CRAMP1: variants seen among roughly 807,000 people sequenced by gnomAD.
The protein encoded by CRAMP1 is cramped chromatin regulator 1.
Under a neutral mutation model 115.4 loss-of-function variants are expected in CRAMP1, and 50 were observed. The ratio of observed to expected loss-of-function variants is 0.43; its 90% CI spans 0.35 to 0.55. The LOEUF (loss-of-function observed/expected upper bound fraction) is 0.55. Ranked by LOEUF, CRAMP1 falls within the 20% of genes least tolerant of loss-of-function variation. CRAMP1 has a pLI of 0.01. For missense variants in CRAMP1, 1,679 were observed against 1,721.7 expected, an observed-to-expected ratio of 0.98 and a Z score of 0.44; for synonymous variants, 866 against 745.4, an observed-to-expected ratio of 1.16 and a Z score of -2.64.
At chr16:1,665,305 G>A (rs1193050681) in intron 14 of CRAMP1, among the ~76,000 whole-genome samples, 167 bp downstream of exon 14, 1 of 152,204 alleles carries the variant, frequency 6.6e-6, no homozygotes, top group Non-Finnish European at 1.5e-5. Context: ...GCAGGCTGCG[G>A]TGGCGGGCGA....
At chr16:1,632,566 C>T (rs140950595) in intron 4 of CRAMP1, among the ~76,000 whole-genome samples, 2 of 152,368 alleles carry the variant, frequency 1.3e-5, no homozygotes, top group African/African-American at 2.4e-5. Context: ...GGAAGTGGCC[C>T]GTATCCCATG....
At position 1,617,650 on chromosome 16, in the gene CRAMP1, A is replaced by G. The variant is rs548212179; in HGVS notation, c.346+2665A>G. On this transcript the variant is annotated intron_variant, in intron 2 of 20. Transcript: ENST00000397412. Reference sequence around the variant, plus strand: ...TTACTTACTGCCCTGGCCAGTTTCAATCTCAGTGGGCCTGAGACTCTTACA... The same window carrying G: ...TTACTTACTGCCCTGGCCAGTTTCAGTCTCAGTGGGCCTGAGACTCTTACA... Among the ~76,000 whole-genome samples the G allele has an allele frequency of 1.8e-4, 28 of 152,330 alleles. No homozygotes were observed. The South Asian group carries it at 5.6e-3, about 30-fold the overall frequency.
chr16:1,617,449 A>G (rs1419422219), intron 2 of CRAMP1, among the ~76,000 whole-genome samples: 1 of 152,266 alleles, frequency 6.6e-6, no homozygotes, highest in Non-Finnish European at 1.5e-5. Flanking sequence ...CCTTCCAGAA[A>G]GATGCTCAGA....
intron 6 of CRAMP1, among the ~76,000 whole-genome samples, chr16:1,648,840 C>G (rs1447693308): frequency 6.6e-6 from 1 of 151,992 alleles, no homozygotes; most frequent in African/African-American, 2.4e-5. Context: ...GGGCGGATCA[C>G]GAGGTCAGGA....
At chr16:1,635,078 T>C (rs1464386662) in intron 4 of CRAMP1, among the ~76,000 whole-genome samples, 1 of 152,100 alleles carries the variant, frequency 6.6e-6, no homozygotes, top group Non-Finnish European at 1.5e-5. Context: ...TTATATTTTT[T>C]AGGAGAGATG....
intron 6 of CRAMP1, among the ~76,000 whole-genome samples, chr16:1,650,959 A>G (rs2036717409): frequency 6.6e-6 from 1 of 152,218 alleles, no homozygotes; most frequent in Non-Finnish European, 1.5e-5. Context: ...TTTCTCTCAG[A>G]TCAGAAACTC....
chr16:1,666,522 A>G lies in CRAMP1; in HGVS notation c.2958A>G (p.Ser986=). The G allele has an allele frequency of 6.2e-7, 1 of 1,613,912 alleles. No individual in the cohort carries two copies. Among genetic ancestry groups the G allele is most frequent in the Non-Finnish European group, 8.5e-7 (1 of 1,179,848 alleles). The part of the protein sequence containing the change: ...EGLSGISPLS[S]DEVTGAISGQ... ...TGTCTGGCATCTCTCCACTGTCTTCAGACGAGGTGACGGGTGCCATCTCGG... is the reference window on the plus strand; with the variant it reads ...TGTCTGGCATCTCTCCACTGTCTTCGGACGAGGTGACGGGTGCCATCTCGG... Residue 986 remains serine (S), a synonymous_variant, in exon 16 of 21, where the codon TCA becomes TCG. Coordinates refer to ENST00000397412, the MANE Select transcript of CRAMP1 (RefSeq NM_020825.4). This position sits in a 1 kb window ranked among gnomAD's most constrained non-coding sequence, Gnocchi z 5.0.
chr16:1,626,006 T>G lies in CRAMP1; in HGVS notation c.380T>G (p.Val127Gly). 1 of 1,551,594 alleles carries G rather than the reference T, an allele frequency of 6.4e-7. No individual in the cohort carries two copies. Among genetic ancestry groups the G allele is most frequent in the Non-Finnish European group, 8.7e-7 (1 of 1,146,924 alleles). ...AEGGGSSSGNVSGVAPAAPAG... is the reference protein window; with the variant it reads ...AEGGGSSSGNGSGVAPAAPAG... The stretch of plus-strand genomic sequence containing the variant: ...GGTGGTGGATCATCGTCTGGAAATG[T>G]GTCTGGGGTTGCCCCTGCTGCCCCT... The change falls in exon 3 of 21, where the codon GTG (valine) becomes GGG (glycine). Residue 127 changes from valine to glycine, a missense_variant. By Grantham distance (109) the Val-to-Gly change is moderately radical. This residue lies in a region of CRAMP1 where 264 missense variants were observed against 229.7 expected (regional missense o/e 1.15). Transcript: ENST00000397412.
chr16:1,644,692 G>A (rs925663519), intron 6 of CRAMP1, among the ~76,000 whole-genome samples: 1 of 152,166 alleles, frequency 6.6e-6, no homozygotes, highest in Non-Finnish European at 1.5e-5. Flanking sequence ...GGGGAGGGGA[G>A]AGGAAGAGTG....
chr16:1,626,004 T>C lies in CRAMP1; in HGVS notation c.378T>C (p.Asn126=). The C allele has an allele frequency of 6.4e-7, 1 of 1,551,578 alleles. No homozygotes were observed. The highest frequency in any genetic ancestry group is 8.7e-7 in the Non-Finnish European group (1 of 1,146,918). The change falls in exon 3 of 21, where the codon AAT becomes AAC. Residue 126 remains asparagine, a synonymous_variant. Transcript: ENST00000397412. ...GAEGGGSSSG[N]VSGVAPAAPA... ...AAGGTGGTGGATCATCGTCTGGAAA[T>C]GTGTCTGGGGTTGCCCCTGCTGCCC...
In CRAMP1 at chr16:1,614,340, G is replaced by GGCCGGGGC. The variant is rs1194077078; in HGVS notation, c.-1-299_-1-298insGCCGGGGC. ...GGGCCGGGGCCGGGGCCGGGGCCGG[G>GGCCGGGGC]CAGGGTCCGCCGAGCTGTCGCGCCC... On this transcript the variant is annotated intron_variant, in intron 1 of 20. Coordinates refer to ENST00000397412, the MANE Select transcript of CRAMP1 (RefSeq NM_020825.4). The surrounding 1 kb of genome is among the most constrained non-coding windows in gnomAD (Gnocchi z 4.4). 6.9e-6 allele frequency among the ~76,000 whole-genome samples: 1 copy of GGCCGGGGC among 145,614 alleles called. No individual in the cohort carries two copies. Among genetic ancestry groups the GGCCGGGGC allele is most frequent in the East Asian group, 2.0e-4 (1 of 4,964 alleles).
intron 6 of CRAMP1, 33 bp downstream of exon 6, chr16:1,641,220 CT>C: frequency 2.6e-6 from 4 of 1,513,454 alleles, no homozygotes; most frequent in Non-Finnish European, 3.7e-6. Context: ...AACATCACTT[CT>C]CTGGGTGTTT....
At chr16:1,635,494 C>G (rs1179717978) in intron 4 of CRAMP1, among the ~76,000 whole-genome samples, 1 of 152,152 alleles carries the variant, frequency 6.6e-6, no homozygotes, top group Admixed American at 6.5e-5. Flanking sequence ...GAGGTGCCAC[C>G]TAGGAGGCCG....
At chr16:1,629,050 C>T (rs767111780) in intron 3 of CRAMP1, among the ~76,000 whole-genome samples, 1 of 152,234 alleles carries the variant, frequency 6.6e-6, no homozygotes, top group Non-Finnish European at 1.5e-5. Context: ...ATTTCTGTGG[C>T]AGGTCTGCAC....
chr16:1,625,886 G>T, intron 2 of CRAMP1, 87 bp from the exon 3 acceptor site: 1 of 1,350,258 alleles, frequency 7.4e-7, no homozygotes, highest in Non-Finnish European at 1.0e-6. Context: ...CCTCAGGGCA[G>T]TGGGCCCTTC....
chr16:1,658,804 C>T (rs1414070924), intron 10 of CRAMP1, among the ~76,000 whole-genome samples: 1 of 152,166 alleles, frequency 6.6e-6, no homozygotes, highest in Non-Finnish European at 1.5e-5. Context: ...TCTGAGTGAG[C>T]AGACGGGCAG....
intron 6 of CRAMP1, among the ~76,000 whole-genome samples, chr16:1,646,303 C>T (rs937398332): frequency 1.3e-5 from 2 of 152,156 alleles, no homozygotes; most frequent in Non-Finnish European, 2.9e-5. Context: ...GTGTGTTTGG[C>T]TTTACATGGA....
rs1377319097 is a variant in CRAMP1, at chr16:1,614,282, C to T, written c.-1-357C>T. On this transcript the variant is annotated intron_variant, in intron 1 of 20. Coordinates refer to ENST00000397412, the MANE Select transcript of CRAMP1 (RefSeq NM_020825.4). The surrounding 1 kb of genome is among the most constrained non-coding windows in gnomAD (Gnocchi z 4.4). Reference sequence around the variant, plus strand: ...GCCCGGACCCGCAACCGTGCCCAGACCCGCGCCCGCGCCGGGGCTCCCATA... The same window carrying T: ...GCCCGGACCCGCAACCGTGCCCAGATCCGCGCCCGCGCCGGGGCTCCCATA... Among the ~76,000 whole-genome samples, 1 of 145,922 alleles carries T rather than the reference C, an allele frequency of 6.9e-6. No individual in the cohort carries two copies. Among genetic ancestry groups the T allele is most frequent in the Non-Finnish European group, 1.5e-5 (1 of 65,448 alleles).
intron 4 of CRAMP1, 70 bp downstream of exon 4, chr16:1,632,435 C>G: frequency 6.9e-7 from 1 of 1,448,290 alleles, no homozygotes; most frequent in Non-Finnish European, 9.3e-7. Flanking sequence ...AGCGCAGCTT[C>G]CAGCAAGCCC....
Sources: allele counts gnomAD v4.1 joint callset (sites outside exome capture counted in the v4.1 genomes callset), GRCh38; gene constraint gnomAD v4.1.1; regional missense constraint gnomAD v4.1.1; non-coding constraint Gnocchi (gnomAD v3.1); transcripts MANE v1.5; gene names NCBI Gene and HGNC (gene_info 2026-07-23, HGNC 2026-07-21).